EIF3G: variants seen among roughly 807,000 people sequenced by gnomAD.
The protein encoded by EIF3G is eukaryotic translation initiation factor 3 RNA-binding subunit.
EIF3G carries 10 observed loss-of-function variants against 41.7 expected under a neutral mutation model. The observed-to-expected ratio is 0.24, with a 90% CI of 0.15 to 0.41. The LOEUF (loss-of-function observed/expected upper bound fraction) is 0.41, where lower values mean the gene tolerates loss of function less well. Ranked by LOEUF, EIF3G falls within the 10% of genes least tolerant of loss-of-function variation. EIF3G has a pLI of 1.00. For missense variants in EIF3G, 297 were observed against 444.0 expected (o/e 0.67, Z 2.98); for synonymous variants, 204 against 172.5 (o/e 1.18, Z -1.43).
chr19:10,119,187 T>C lies in EIF3G; in HGVS notation c.68-16A>G, dbSNP rs762252054. 1.2e-5 allele frequency: 19 copies of C among 1,564,482 alleles called. No homozygotes were observed. The highest frequency in any genetic ancestry group is 1.9e-5 in the Admixed American group (1 of 52,546). ...ACACATTTGTCTGCAAAAGGCAGCG[T>C]AGGAAGGAGGAGTCAGCTCCAGGGG... On this transcript the variant is annotated splice_polypyrimidine_tract_variant and intron_variant, in intron 2 of 10. Coordinates refer to ENST00000253108, the MANE Select transcript of EIF3G (RefSeq NM_003755.5).
Position 10,115,059 on chromosome 19 carries a change from G to A in EIF3G, c.*55C>T, listed in dbSNP as rs373508748. 27 of 1,612,332 alleles carry A rather than the reference G, an allele frequency of 1.7e-5. No individual in the cohort carries two copies. Among genetic ancestry groups the A allele is most frequent in the African/African-American group, 2.7e-5 (2 of 74,942 alleles). On this transcript the variant is annotated 3_prime_UTR_variant, in exon 11 of 11. Transcript: ENST00000253108. Reference sequence around the variant, plus strand: ...TATTGCCCTTGGAGCCCGCGCTCTCGGAGGCTGTCTTCTGTCGCCAAGGGT... The same window carrying A: ...TATTGCCCTTGGAGCCCGCGCTCTCAGAGGCTGTCTTCTGTCGCCAAGGGT...
In EIF3G at chr19:10,116,268, A is replaced by G. The variant is rs1431869590; in HGVS notation, c.596-194T>C. ...ACCATTTGAGCTCCCAGCCAGCGACACTGGTGGAGGAGGAGGAGGAGGAGC... is the reference window on the plus strand; with the variant it reads ...ACCATTTGAGCTCCCAGCCAGCGACGCTGGTGGAGGAGGAGGAGGAGGAGC... On this transcript the variant is annotated intron_variant, in intron 7 of 10. Transcript: ENST00000253108. The surrounding 1 kb of genome is among the most constrained non-coding windows in gnomAD (Gnocchi z 4.1). The G allele has an allele frequency of 8.1e-6, 5 of 613,610 alleles. No homozygotes were observed. Among genetic ancestry groups the G allele is most frequent in the Non-Finnish European group, 1.4e-5 (5 of 349,298 alleles). The allele number at this position is 613,610 out of a possible 1,614,324, so 38.0% of individuals were successfully genotyped here. A position where few individuals can be genotyped will look rare whatever the true frequency, so the allele number is the denominator to read the frequency against.
intron 5 of EIF3G, chr19:10,118,059 A>G (rs1286561689): frequency 6.6e-6 from 1 of 152,616 alleles, no homozygotes; most frequent in Non-Finnish European, 1.5e-5. Context: ...GTCTTTAAAA[A>G]AATTAAAAGA....
In EIF3G at chr19:10,116,719, G is replaced by A. The variant is rs1243537506; in HGVS notation, c.595+81C>T. 6 of 1,390,062 alleles carry A rather than the reference G, an allele frequency of 4.3e-6. No homozygotes were observed. Among genetic ancestry groups the A allele is most frequent in the African/African-American group, 4.3e-5 (3 of 69,572 alleles). 86.1% of individuals were successfully genotyped at this position (1,390,062 alleles called of 1,614,324 possible). On this transcript the variant is annotated intron_variant, in intron 7 of 10. Coordinates refer to ENST00000253108, the MANE Select transcript of EIF3G (RefSeq NM_003755.5). The surrounding 1 kb of genome is among the most constrained non-coding windows in gnomAD (Gnocchi z 4.1). Reference sequence around the variant, plus strand: ...CTGGCACCATCAAACCCGCTGCACTGTCGTGCGGGAGATGACAGCACGAAG... The same window carrying A: ...CTGGCACCATCAAACCCGCTGCACTATCGTGCGGGAGATGACAGCACGAAG...
At chr19:10,115,616 A>G (rs753322821) in intron 9 of EIF3G, 31 bp from the exon 10 acceptor site, 122 of 1,612,122 alleles carry the variant, frequency 7.6e-5, no homozygotes, top group Middle Eastern at 1.6e-4. Flanking sequence ...GTCGGGCACG[A>G]GCTAGGACAG....
chr19:10,115,836 G>T lies in EIF3G; in HGVS notation c.704-16C>A. 3.1e-6 allele frequency: 5 copies of T among 1,610,266 alleles called. No individual in the cohort carries two copies. Among genetic ancestry groups the T allele is most frequent in the Non-Finnish European group, 4.2e-6 (5 of 1,179,356 alleles). On this transcript the variant is annotated splice_polypyrimidine_tract_variant and intron_variant, in intron 8 of 10. Transcript: ENST00000253108. ...TTGTCGTCGGCTGTGTGGGAGAGGG[G>T]AGGTGGCTGTGAGGGGGAGGACACT...
At chr19:10,119,721 G>C (rs1374915319) in intron 1 of EIF3G, 21 bp from the exon 2 acceptor site, 4 of 1,611,222 alleles carry the variant, frequency 2.5e-6, no homozygotes, top group Non-Finnish European at 2.5e-6. Context: ...AAATGTGTGG[G>C]GAACGAAGAT....
chr19:10,115,117 G>C lies in EIF3G; in HGVS notation c.960C>G (p.Asn320Lys), dbSNP rs1303860087. 1 of 1,613,938 alleles carries C rather than the reference G, an allele frequency of 6.2e-7. No individual in the cohort carries two copies. Among genetic ancestry groups the C allele is most frequent in the Admixed American group, 1.7e-5 (1 of 60,000 alleles). The change falls in exon 11 of 11, where the codon AAC becomes AAG. Residue 320 changes from asparagine to lysine, a missense_variant. By Grantham distance (94) the Asn-to-Lys change is moderately conservative. Transcript: ENST00000253108. Reference sequence around the variant, plus strand: ...CGAGTACACAGTGGCAGCTGGCTTAGTTGGTGGACGGCCTGGGGTAGGGGA... The same window carrying C: ...CGAGTACACAGTGGCAGCTGGCTTACTTGGTGGACGGCCTGGGGTAGGGGA... Reference protein sequence around the residue: ...LNVEWAKPSTN With the variant: ...LNVEWAKPSTK
intron 4 of EIF3G, 27 bp from the exon 5 acceptor site, chr19:10,118,754 G>A (rs2089280428): frequency 6.2e-7 from 1 of 1,613,332 alleles, no homozygotes; most frequent in African/African-American, 1.3e-5. Context: ...AGAAGGGTCA[G>A]GCTCCTGGGA....
At chr19:10,119,811 C>G (rs943864592) in intron 1 of EIF3G, 29 bp downstream of exon 1, 1 of 1,614,216 alleles carries the variant, frequency 6.2e-7, no homozygotes, top group Non-Finnish European at 8.5e-7. Context: ...AACCGCTTCC[C>G]GTGCCCCTTT....
intron 5 of EIF3G, chr19:10,117,942 C>T (rs2089273424): frequency 6.6e-6 from 1 of 152,114 alleles, no homozygotes; most frequent in Non-Finnish European, 1.5e-5. Flanking sequence ...ATCTCAGCTA[C>T]TCAGGAGGGT....
rs2089282422 is a variant in EIF3G, at chr19:10,118,966, G to C, written c.152-10C>G. 3 of 1,613,978 alleles carry C rather than the reference G, an allele frequency of 1.9e-6. No homozygotes were observed. The African/African-American group carries it at 4.0e-5, about 22-fold the overall frequency. ...GGAGGCGGCAGTGGAGCTGGCAGAAGGGGAAAAACAGAGAAAGACTGAGCC... is the reference window on the plus strand; with the variant it reads ...GGAGGCGGCAGTGGAGCTGGCAGAACGGGAAAAACAGAGAAAGACTGAGCC... On this transcript the variant is annotated splice_polypyrimidine_tract_variant and intron_variant, in intron 3 of 10. Coordinates refer to ENST00000253108, the MANE Select transcript of EIF3G (RefSeq NM_003755.5).
Position 10,119,666 on chromosome 19 carries a change from C to G in EIF3G, c.55G>C (p.Glu19Gln), listed in dbSNP as rs1355651438. ...CGTGTACACTTACCGTCCTCCCCCTCCTCCTCCACCTGGTCGGCCCAACTG... is the reference window on the plus strand; with the variant it reads ...CGTGTACACTTACCGTCCTCCCCCTGCTCCTCCACCTGGTCGGCCCAACTG... ...KPSWADQVEE[E>Q]GEDDKCVTSE... Residue 19 changes from glutamate to glutamine, a missense_variant, in exon 2 of 11, where the codon GAG becomes CAG. Physicochemically the swap from Glu to Gln is conservative, Grantham distance 29. Around this residue, in one of 4 missense-constraint regions of EIF3G, gnomAD observed 147 missense variants for 162.4 expected, o/e 0.91. Coordinates refer to ENST00000253108, the MANE Select transcript of EIF3G (RefSeq NM_003755.5). 6.3e-7 allele frequency: 1 copy of G among 1,580,576 alleles called. No individual in the cohort carries two copies. Among genetic ancestry groups the G allele is most frequent in the Admixed American group, 1.7e-5 (1 of 57,738 alleles).
At position 10,115,662 on chromosome 19, in the gene EIF3G, CCGTG is replaced by C. The variant is rs760753735; in HGVS notation, c.840+18_840+21del. ...GACAAGTGACCCTCACACAGCCCCA[CCGTG>C]CCTGCCTGCCTGCCCACCTTGGATT... On this transcript the variant is annotated intron_variant, in intron 9 of 10. Transcript: ENST00000253108. 7 of 1,589,772 alleles carry C rather than the reference CCGTG, an allele frequency of 4.4e-6. No individual in the cohort carries two copies. In the Admixed American group the frequency reaches 5.3e-5, roughly 12 times the overall value.
At chr19:10,115,420 T>A (rs1203864544) in intron 10 of EIF3G, 59 bp downstream of exon 10, 13 of 1,535,526 alleles carry the variant, frequency 8.5e-6, no homozygotes, top group Non-Finnish European at 1.1e-5. Flanking sequence ...GGCCCAACAC[T>A]CCGTGAAGGT....
At chr19:10,118,645 G>A (rs1360495999) in intron 5 of EIF3G, 23 bp downstream of exon 5, 2 of 1,613,404 alleles carry the variant, frequency 1.2e-6, no homozygotes, top group Admixed American at 3.3e-5. Flanking sequence ...CTCTAGGTTA[G>A]CCCTGGGGAA....
chr19:10,116,127 A>T lies in EIF3G; in HGVS notation c.596-53T>A. On this transcript the variant is annotated intron_variant, in intron 7 of 10. Coordinates refer to ENST00000253108, the MANE Select transcript of EIF3G (RefSeq NM_003755.5). This position sits in a 1 kb window ranked among gnomAD's most constrained non-coding sequence, Gnocchi z 4.1. ...ACCTCACTGTGGCGCAGGCGTGGGG[A>T]CAGAGCCGCCCCAGGAAGCTCGGGC... 6.4e-7 allele frequency: 1 copy of T among 1,551,592 alleles called. No individual in the cohort carries two copies. Among genetic ancestry groups the T allele is most frequent in the Non-Finnish European group, 8.8e-7 (1 of 1,135,046 alleles).
Position 10,119,111 on chromosome 19 carries a change from G to C in EIF3G, c.128C>G (p.Pro43Arg), listed in dbSNP as rs2089284267. ...GIPLATGDTS[P>R]EPELLPGAPL... ...ACCTCCCGGCAGTAGCTCTGGCTCT[G>C]GGCTGGTGTCACCTGTGGCCAGAGG... Residue 43 changes from proline (P) to arginine (R), a missense_variant, in exon 3 of 11, where the codon CCA becomes CGA. Pro to Arg is a moderately radical substitution (Grantham distance 103). This residue lies in a region of EIF3G where 147 missense variants were observed against 162.4 expected (regional missense o/e 0.91). Transcript: ENST00000253108. 2 of 1,602,340 alleles carry C rather than the reference G, an allele frequency of 1.2e-6. No homozygotes were observed. The highest frequency in any genetic ancestry group is 1.7e-6 in the Non-Finnish European group (2 of 1,173,934).
intron 5 of EIF3G, 99 bp downstream of exon 5, chr19:10,118,564 CAAAAA>C (rs61403454): frequency 1.1e-3 from 1,034 of 913,200 alleles, no homozygotes; most frequent in Non-Finnish European, 1.2e-3. Flanking sequence ...CACTCTGTCT[CAAAAA>C]AAAAAAAAAA....
Sources: gnomAD v4.1 joint callset for allele counts on GRCh38, gnomAD v4.1.1 for gene constraint, gnomAD v4.1.1 regional missense constraint, Gnocchi (gnomAD v3.1) non-coding constraint, MANE v1.5 for transcripts, NCBI Gene and HGNC (gene_info 2026-07-23, HGNC 2026-07-21) for gene names.